Variants in PARVA observed in about 807,000 individuals in gnomAD.
PARVA encodes the protein parvin alpha.
In PARVA, 25 loss-of-function variants were observed where a neutral mutation model predicts 52.6. That is an observed-to-expected ratio of 0.48 (90% CI 0.35 to 0.66). The LOEUF is 0.66. PARVA is among the 30% of genes least tolerant of loss of function. The probability of loss-of-function intolerance (pLI) is 0.01; values close to 1 mark genes in which losing one functional copy is unlikely to be tolerated. For synonymous variants in PARVA, 185 were observed against 179.1 expected, an observed-to-expected ratio of 1.03 and a Z score of -0.26; for missense variants, 373 against 450.9, an observed-to-expected ratio of 0.83 and a Z score of 1.56.
intron 1 of PARVA, among the ~76,000 whole-genome samples, chr11:12,393,044 GAAAAAAAAAAAA>G (rs60966710): frequency 4.3e-5 from 2 of 46,132 alleles, no homozygotes; most frequent in Non-Finnish European, 1.0e-4. Flanking sequence ...CCCAAATTGT[GAAAAAAAAAAAA>G]AAAAAAAAAA....
intron 1 of PARVA, among the ~76,000 whole-genome samples, chr11:12,458,723 T>C (rs1261176160): frequency 2.6e-5 from 4 of 152,094 alleles, no homozygotes. Flanking sequence ...TTCTCACACC[T>C]CCCCTTTTCT....
At chr11:12,392,364 G>A (rs1939672133) in intron 1 of PARVA, among the ~76,000 whole-genome samples, 1 of 151,474 alleles carries the variant, frequency 6.6e-6, no homozygotes, top group African/African-American at 2.4e-5. Flanking sequence ...CGCCTCTTGG[G>A]TTCAAGCGAT....
intron 12 of PARVA, among the ~76,000 whole-genome samples, chr11:12,526,078 C>T (rs1221630635): frequency 6.6e-6 from 1 of 152,004 alleles, no homozygotes; most frequent in African/African-American, 2.4e-5. Flanking sequence ...CAGGCAGGAG[C>T]GGGCACAGGG....
intron 1 of PARVA, among the ~76,000 whole-genome samples, chr11:12,384,395 T>G (rs75929275): frequency 0.055 from 8,411 of 152,310 alleles, 721 homozygotes; most frequent in African/African-American, 0.19. Context: ...TGTACTAGGT[T>G]CTAGAAAGGA....
chr11:12,522,158 A>T (rs1941645074), intron 12 of PARVA, among the ~76,000 whole-genome samples: 1 of 152,258 alleles, frequency 6.6e-6, no homozygotes, highest in Admixed American at 6.5e-5. Flanking sequence ...AATACCCATG[A>T]TAGCATAGGC....
chr11:12,427,612 T>TTA (rs1940256616), intron 1 of PARVA, among the ~76,000 whole-genome samples: 1 of 152,166 alleles, frequency 6.6e-6, no homozygotes, highest in Non-Finnish European at 1.5e-5. Context: ...CATTTTTTTT[T>TTA]AAAGCAAGTT....
chr11:12,433,143 A>C (rs2134996012), intron 1 of PARVA, among the ~76,000 whole-genome samples: 1 of 152,290 alleles, frequency 6.6e-6, no homozygotes, highest in African/African-American at 2.4e-5. Context: ...GAAAGGCTGC[A>C]CCTCACAAGG....
intron 1 of PARVA, among the ~76,000 whole-genome samples, chr11:12,381,749 G>A (rs146069495): frequency 2.5e-3 from 388 of 152,262 alleles, no homozygotes; most frequent in Non-Finnish European, 4.2e-3. Flanking sequence ...GAGAAAATAC[G>A]TTTGCAAAAC....
chr11:12,493,369 AAG>A (rs1268112789), intron 4 of PARVA, among the ~76,000 whole-genome samples: 14 of 151,094 alleles, frequency 9.3e-5, no homozygotes, highest in African/African-American at 2.9e-4. Flanking sequence ...AAAAAAAAAA[AAG>A]AGAGAATATT....
At chr11:12,446,041 A>AC (rs1940542214) in intron 1 of PARVA, among the ~76,000 whole-genome samples, 1 of 41,038 alleles carries the variant, frequency 2.4e-5, no homozygotes, top group African/African-American at 4.9e-5. Context: ...CATTTACTTT[A>AC]AAAAAAAATA....
At chr11:12,428,147 TTACAG>T (rs1304847285) in intron 1 of PARVA, among the ~76,000 whole-genome samples, 1 of 152,160 alleles carries the variant, frequency 6.6e-6, no homozygotes, top group African/African-American at 2.4e-5. Context: ...ACTGGGAAAT[TTACAG>T]AACAGTGGCA....
At chr11:12,491,375 C>T (rs552545868) in intron 4 of PARVA, among the ~76,000 whole-genome samples, 38 of 152,180 alleles carry the variant, frequency 2.5e-4, no homozygotes, top group African/African-American at 8.4e-4. Context: ...GCTATGTTGC[C>T]CAGGCTGGTC....
chr11:12,444,400 C>G (rs1232226146), intron 1 of PARVA, among the ~76,000 whole-genome samples: 1 of 152,090 alleles, frequency 6.6e-6, no homozygotes, highest in East Asian at 1.9e-4. Flanking sequence ...ATGACTGAAC[C>G]AATCCTTATG....
At chr11:12,507,970 A>AGATGGATGGATG (rs201757014) in intron 6 of PARVA, among the ~76,000 whole-genome samples, 1 of 151,658 alleles carries the variant, frequency 6.6e-6, no homozygotes, top group Non-Finnish European at 1.5e-5. Flanking sequence ...AAGTGTGGAC[A>AGATGGATGGATG]GATGGATGGA....
chr11:12,524,747 T>A (rs994562738), intron 12 of PARVA, among the ~76,000 whole-genome samples: 4 of 152,086 alleles, frequency 2.6e-5, no homozygotes, highest in Middle Eastern at 3.4e-3. Flanking sequence ...TCCAAGACGG[T>A]GGGCAACCAT....
intron 1 of PARVA, among the ~76,000 whole-genome samples, chr11:12,449,233 A>G (rs1940590871): frequency 6.6e-6 from 1 of 151,988 alleles, no homozygotes; most frequent in African/African-American, 2.4e-5. Context: ...GGCTCACTGC[A>G]ACCTCTGCCT....
intron 4 of PARVA, 93 bp from the exon 5 acceptor site, chr11:12,496,365 T>G: frequency 7.5e-7 from 1 of 1,333,880 alleles, no homozygotes; most frequent in Non-Finnish European, 1.0e-6. Context: ...CATGCATGAG[T>G]GCATGAGAGA....
Position 12,473,818 on chromosome 11 carries a change from C to T in PARVA, c.210C>T (p.Pro70=), listed in dbSNP as rs1376360851. 11 of 1,570,608 alleles carry T rather than the reference C, an allele frequency of 7.0e-6. No individual in the cohort carries two copies. Among genetic ancestry groups the T allele is most frequent in the African/African-American group, 1.4e-5 (1 of 73,788 alleles). The change falls in exon 2 of 13, where the codon CCC becomes CCT. Residue 70 remains proline (P), a synonymous_variant. Transcript: ENST00000334956. The part of the protein sequence containing the change: ...PLSPIPFELD[P]EDTMLEENEV... ...GCCCAATTCCCTTTGAGCTGGACCC[C>T]GAGGACACGATGCTGGGTAACTGTG...
At chr11:12,470,444 G>C (rs1940917477) in intron 1 of PARVA, among the ~76,000 whole-genome samples, 1 of 152,172 alleles carries the variant, frequency 6.6e-6, no homozygotes, top group South Asian at 2.1e-4. Context: ...TGCAGGTGAG[G>C]AATCTAAGGC....
Sources: allele counts gnomAD v4.1 joint callset (sites outside exome capture counted in the v4.1 genomes callset), GRCh38; gene constraint gnomAD v4.1.1; transcripts MANE v1.5; gene names NCBI Gene and HGNC (gene_info 2026-07-23, HGNC 2026-07-21).